Variants in FNDC1 observed in about 807,000 individuals in gnomAD.
The protein encoded by FNDC1 is fibronectin type III domain-containing protein 1.
A neutral mutation model predicts 168.0 loss-of-function variants in FNDC1; 96 were observed. The ratio of observed to expected loss-of-function variants is 0.57; its 90% confidence interval spans 0.48 to 0.68. The LOEUF (loss-of-function observed/expected upper bound fraction) is 0.68. Among genes scored for constraint, FNDC1 ranks in the 30% least tolerant of loss-of-function variants. The probability of loss-of-function intolerance (pLI) is 0.00; values close to 1 mark genes in which losing one functional copy is unlikely to be tolerated. For synonymous variants in FNDC1, 1,099 were observed against 1,025.9 expected (o/e 1.07, Z -1.36); for missense variants, 2,587 against 2,482.1 (o/e 1.04, Z -0.90).
intron 4 of FNDC1, among the ~76,000 whole-genome samples, chr6:159,210,912 A>G (rs1782589924): frequency 6.6e-6 from 1 of 152,004 alleles, no homozygotes; most frequent in Non-Finnish European, 1.5e-5. Flanking sequence ...TTCCTTATCA[A>G]GCTTCTTCAT....
chr6:159,208,513 T>C (rs1303185177), intron 4 of FNDC1, among the ~76,000 whole-genome samples: 1 of 146,862 alleles, frequency 6.8e-6, no homozygotes. Flanking sequence ...GAGCTCTTCA[T>C]TGTCACTAAT....
At position 159,233,111 on chromosome 6, in the gene FNDC1, T is replaced by G. The variant is rs1455834126; in HGVS notation, c.2599T>G (p.Ser867Ala). The G allele has an allele frequency of 2.5e-6, 4 of 1,603,162 alleles. No individual in the cohort carries two copies. In the African/African-American group the frequency reaches 4.0e-5, roughly 16 times the overall value. The change falls in exon 11 of 23, where the codon TCC (serine) becomes GCC (alanine). Residue 867 changes from serine to alanine, a missense_variant. By Grantham distance (99) the Ser-to-Ala change is moderately conservative (BLOSUM62 1). Coordinates refer to ENST00000297267, the MANE Select transcript of FNDC1 (RefSeq NM_032532.3). The surrounding 1 kb of genome is among the most constrained non-coding windows in gnomAD (Gnocchi z 4.6). ...CCCCAGGGTTCCCTCTCACTCTGATTCCCACCCTAAGCTTAGCTCAGGTAT... is the reference window on the plus strand; with the variant it reads ...CCCCAGGGTTCCCTCTCACTCTGATGCCCACCCTAAGCTTAGCTCAGGTAT... ...AHPRVPSHSD[S>A]HPKLSSGIHG...
chr6:159,234,538 C>A (rs919107946), intron 11 of FNDC1, 59 bp downstream of exon 11: 2 of 1,532,126 alleles, frequency 1.3e-6, no homozygotes, highest in Non-Finnish European at 8.9e-7. Flanking sequence ...CATGGCAATG[C>A]CTAAGAAGTT....
In FNDC1 at chr6:159,233,534, C is replaced by A; in HGVS notation, c.3022C>A (p.Pro1008Thr). Residue 1008 changes from proline (P) to threonine (T), a missense_variant, in exon 11 of 23, where the codon CCT (proline) becomes ACT (threonine). By Grantham distance (38) the Pro-to-Thr change is conservative (BLOSUM62 -1). Transcript: ENST00000297267. The surrounding 1 kb of genome is among the most constrained non-coding windows in gnomAD (Gnocchi z 4.6). ...PGRAPQQQPP[P>T]PVATSQHHPG... ...CCGGGCCCCACAACAGCAGCCCCCT[C>A]CTCCCGTCGCCACGTCCCAGCACCA... is the stretch of plus-strand genomic sequence containing the variant. 1 of 1,596,522 alleles carries A rather than the reference C, an allele frequency of 6.3e-7. No individual in the cohort carries two copies.
chr6:159,257,098 G>A (rs192061176), intron 18 of FNDC1, among the ~76,000 whole-genome samples: 199 of 152,290 alleles, frequency 1.3e-3, no homozygotes, highest in Admixed American at 1.0e-3. Flanking sequence ...GCATGTCTTC[G>A]TAGACTAGGC....
intron 18 of FNDC1, among the ~76,000 whole-genome samples, chr6:159,258,380 T>C (rs1371365461): frequency 6.6e-6 from 1 of 152,094 alleles, no homozygotes; most frequent in East Asian, 1.9e-4. Flanking sequence ...AATGGGGGAT[T>C]TTTTTTCTTT....
intron 8 of FNDC1, 32 bp downstream of exon 8, chr6:159,225,754 A>G (rs766576464): frequency 3.3e-6 from 5 of 1,536,966 alleles, no homozygotes; most frequent in Non-Finnish European, 4.4e-6. Flanking sequence ...TGAATTTTCA[A>G]TTTGGGAATT....
Position 159,233,924 on chromosome 6 carries a change from C to T in FNDC1, c.3412C>T (p.Pro1138Ser). 6.4e-7 allele frequency: 1 copy of T among 1,550,896 alleles called. No individual in the cohort carries two copies. The highest frequency in any genetic ancestry group is 1.2e-5 in the South Asian group (1 of 84,272). Residue 1138 changes from proline to serine, a missense_variant, in exon 11 of 23, where the codon CCC (proline) becomes TCC (serine). Pro to Ser is a moderately conservative substitution (Grantham distance 74, BLOSUM62 -1). Transcript: ENST00000297267. The surrounding 1 kb of genome is among the most constrained non-coding windows in gnomAD (Gnocchi z 4.6). ...QRGHAASPAR[P>S]SRPGGPQSRA... ...CGGACATGCGGCCTCCCCCGCCAGG[C>T]CCAGCCGACCCGGCGGCCCCCAGTC... is the stretch of plus-strand genomic sequence containing the variant.
In FNDC1 at chr6:159,228,281, A is replaced by C. The variant is rs571875332; in HGVS notation, c.1181-1534A>C. On this transcript the variant is annotated intron_variant, in intron 9 of 22. Coordinates refer to ENST00000297267, the MANE Select transcript of FNDC1 (RefSeq NM_032532.3). ...TAAGCCTGCTTAGGTCGTTTTTGTA[A>C]GGGTGTAGTGGTGAGATTAAAATTA... 7.9e-5 allele frequency among the ~76,000 whole-genome samples: 12 copies of C among 152,352 alleles called. No individual in the cohort carries two copies. The South Asian group carries it at 2.5e-3, about 32-fold the overall frequency.
At chr6:159,203,993 C>T (rs1211242220) in intron 4 of FNDC1, among the ~76,000 whole-genome samples, 1 of 152,180 alleles carries the variant, frequency 6.6e-6, no homozygotes, top group Non-Finnish European at 1.5e-5. Context: ...GTCCTCTGTG[C>T]TTTTCTCAAG....
chr6:159,215,229 C>T (rs1782686136), intron 5 of FNDC1, 78 bp downstream of exon 5: 18 of 1,299,358 alleles, frequency 1.4e-5, no homozygotes, highest in Non-Finnish European at 1.9e-5. Flanking sequence ...TCATTCATGA[C>T]AGAGCATTAT....
At chr6:159,255,448 C>T (rs1777353801) in intron 17 of FNDC1, among the ~76,000 whole-genome samples, 3 of 152,216 alleles carry the variant, frequency 2.0e-5, no homozygotes, top group South Asian at 2.1e-4. Context: ...CTCACAGCAT[C>T]GTGGACTGGT....
intron 14 of FNDC1, among the ~76,000 whole-genome samples, chr6:159,243,586 A>G (rs1464859636): frequency 6.6e-6 from 1 of 152,184 alleles, no homozygotes; most frequent in African/African-American, 2.4e-5. Flanking sequence ...CAAAACGACT[A>G]TGGTTGATGG....
At chr6:159,268,944 A>T (rs1777650729) in intron 22 of FNDC1, among the ~76,000 whole-genome samples, 1 of 151,034 alleles carries the variant, frequency 6.6e-6, no homozygotes, top group Non-Finnish European at 1.5e-5. Context: ...TCCATCATCT[A>T]TCTATCCATA....
At chr6:159,217,251 CAG>C (rs910911924) in intron 5 of FNDC1, among the ~76,000 whole-genome samples, 2 of 152,160 alleles carry the variant, frequency 1.3e-5, no homozygotes, top group African/African-American at 4.8e-5. Context: ...CAGAGAGAAA[CAG>C]GGGCTCAGGA....
At chr6:159,177,175 C>T (rs142742021) in intron 1 of FNDC1, among the ~76,000 whole-genome samples, 203 of 152,014 alleles carry the variant, frequency 1.3e-3, no homozygotes, top group African/African-American at 4.2e-3. Context: ...AGTTCATGGG[C>T]GGGGAGTGGT....
Position 159,232,604 on chromosome 6 carries a change from CG to C in FNDC1, c.2094del (p.Arg699GlyfsTer38). The C allele has an allele frequency of 6.2e-7, 1 of 1,607,554 alleles. No homozygotes were observed. The highest frequency in any genetic ancestry group is 8.5e-7 in the Non-Finnish European group (1 of 1,175,924). On this transcript the variant is annotated frameshift_variant, in exon 11 of 23. Coordinates refer to ENST00000297267, the MANE Select transcript of FNDC1 (RefSeq NM_032532.3). LOFTEE classifies it high-confidence loss of function. The surrounding 1 kb of genome is among the most constrained non-coding windows in gnomAD (Gnocchi z 4.9). ...CGGCGCAAAGCCAGCCTCGCCGGCC[CG>C]GAGGACCCCCCATTCAGGGGCCGCA... ...HPGAKPASPA[R>X]RTPHSGAAEE...
chr6:159,249,049 T>A lies in FNDC1; in HGVS notation c.4701T>A (p.Phe1567Leu). 6.3e-7 allele frequency: 1 copy of A among 1,598,502 alleles called. No individual in the cohort carries two copies. Among genetic ancestry groups the A allele is most frequent in the Non-Finnish European group, 8.5e-7 (1 of 1,172,384 alleles). The part of the protein sequence containing the change: ...AYVIYDEDYE[F>L]ETSRPPTTTE... Reference sequence around the variant, plus strand: ...TTCATATCATTTCAGATTATGAATTTGAGACGTCAAGGCCACCAACCACCA... The same window carrying A: ...TTCATATCATTTCAGATTATGAATTAGAGACGTCAAGGCCACCAACCACCA... The change falls in exon 16 of 23, where the codon TTT (phenylalanine) becomes TTA (leucine). Residue 1567 changes from phenylalanine to leucine, a missense_variant. Physicochemically the swap from Phe to Leu is conservative, Grantham distance 22. Transcript: ENST00000297267.
At chr6:159,239,352 T>A (rs1050391020) in intron 13 of FNDC1, among the ~76,000 whole-genome samples, 165 bp from the exon 14 acceptor site, 6 of 152,238 alleles carry the variant, frequency 3.9e-5, no homozygotes, top group African/African-American at 1.4e-4. Context: ...ACAAGAGTTA[T>A]CTCAGGATCG....
Sources: allele counts gnomAD v4.1 joint callset (sites outside exome capture counted in the v4.1 genomes callset), GRCh38; gene constraint gnomAD v4.1.1; non-coding constraint Gnocchi (gnomAD v3.1); transcripts MANE v1.5; gene names NCBI Gene and HGNC (gene_info 2026-07-23, HGNC 2026-07-21).